Variants in CHRNB1 observed in about 807,000 individuals in gnomAD.
The protein encoded by CHRNB1 is acetylcholine receptor subunit beta.
A neutral mutation model predicts 53.8 loss-of-function variants in CHRNB1; 47 were observed. The observed-to-expected ratio is 0.87, with a 90% CI of 0.69 to 1.11. The LOEUF (loss-of-function observed/expected upper bound fraction) is 1.11. CHRNB1 is among the 50% of genes most tolerant of loss of function. CHRNB1 has a pLI of 0.00. For synonymous variants in CHRNB1, 259 were observed against 263.5 expected (o/e 0.98, Z 0.16); for missense variants, 605 against 654.9 (o/e 0.92, Z 0.83).
chr17:7,445,349 G>C lies in CHRNB1; in HGVS notation c.138G>C (p.Arg46=). 6.2e-7 allele frequency: 1 copy of C among 1,613,056 alleles called. No individual in the cohort carries two copies. Among genetic ancestry groups the C allele is most frequent in the South Asian group, 1.1e-5 (1 of 91,030 alleles). Reference sequence around the variant, plus strand: ...ATGATAGCTCCGTGCGGCCAGCGCGGGAGGTGGGAGACCGTGTCAGGGTCA... The same window carrying C: ...ATGATAGCTCCGTGCGGCCAGCGCGCGAGGTGGGAGACCGTGTCAGGGTCA... ...SGYDSSVRPA[R]EVGDRVRVSV... The change falls in exon 2 of 11, where the codon CGG becomes CGC. Residue 46 remains arginine, a synonymous_variant. Coordinates refer to ENST00000306071, the MANE Select transcript of CHRNB1 (RefSeq NM_000747.3). This position sits in a 1 kb window ranked among gnomAD's most constrained non-coding sequence, Gnocchi z 5.7.
At position 7,445,807 on chromosome 17, in the gene CHRNB1, G is replaced by A; in HGVS notation, c.199-262G>A. On this transcript the variant is annotated intron_variant, in intron 2 of 10. Transcript: ENST00000306071. This position sits in a 1 kb window ranked among gnomAD's most constrained non-coding sequence, Gnocchi z 5.7. ...TGGGTGGATTATGAGCTGAAGGCAGGGCCGGGGACAGAGCTAGGCGGAGGG... is the reference window on the plus strand; with the variant it reads ...TGGGTGGATTATGAGCTGAAGGCAGAGCCGGGGACAGAGCTAGGCGGAGGG... The A allele has an allele frequency of 1.6e-6, 1 of 622,790 alleles. No homozygotes were observed. The highest frequency in any genetic ancestry group is 2.8e-6 in the Non-Finnish European group (1 of 358,350). 38.6% of individuals were successfully genotyped at this position (622,790 alleles called of 1,614,324 possible).
chr17:7,447,797 G>A, intron 6 of CHRNB1, 147 bp downstream of exon 6: 1 of 1,027,194 alleles, frequency 9.7e-7, no homozygotes, highest in Non-Finnish European at 1.5e-6. Flanking sequence ...TATGGAAATT[G>A]CCGGGGGCAG....
chr17:7,453,420 A>G (rs910014858), intron 7 of CHRNB1, among the ~76,000 whole-genome samples: 3 of 152,058 alleles, frequency 2.0e-5, no homozygotes, highest in African/African-American at 7.2e-5. Flanking sequence ...TACCCGGCTC[A>G]GTTTTGGACA....
chr17:7,451,161 TTGGCCTTCTGGTCTGAGTTGCTA>T (rs2150840666), intron 7 of CHRNB1, among the ~76,000 whole-genome samples: 1 of 152,194 alleles, frequency 6.6e-6, no homozygotes, highest in South Asian at 2.1e-4. Context: ...AGTAACACCC[TTGGCCTTCTGGTCTGAGTTGCTA>T]TGGCCTTGGG....
intron 5 of CHRNB1, 46 bp downstream of exon 5, chr17:7,447,197 T>G (rs1442577514): frequency 9.9e-6 from 15 of 1,513,570 alleles, no homozygotes; most frequent in Non-Finnish European, 1.4e-5. Flanking sequence ...TTACAAATCC[T>G]CCCTTTCCTT....
chr17:7,454,256 A>C (rs773696133), intron 7 of CHRNB1, 41 bp from the exon 8 acceptor site: 1 of 1,511,604 alleles, frequency 6.6e-7, no homozygotes, highest in Admixed American at 1.7e-5. Context: ...GCTTTCCTTC[A>C]GGCAAGTCTA....
chr17:7,447,425 C>A, intron 5 of CHRNB1, 78 bp from the exon 6 acceptor site: 8 of 1,537,844 alleles, frequency 5.2e-6, no homozygotes, highest in Non-Finnish European at 7.2e-6. Context: ...CTTCTCTGTG[C>A]CCTCCCCAAA....
rs948817419 is a variant in CHRNB1, at chr17:7,445,534, C to A, written c.198+125C>A. The A allele has an allele frequency of 1.2e-5, 19 of 1,524,476 alleles. No individual in the cohort carries two copies. In the Admixed American group the frequency reaches 3.0e-4, roughly 24 times the overall value. The allele number at this position is 1,524,476 out of a possible 1,614,324, so 94.4% of individuals were successfully genotyped here. ...ACGAGACCAGGCTGAGATGGACCAG[C>A]CTTTGGTGAAGATTGGATCGAAATC... On this transcript the variant is annotated intron_variant, in intron 2 of 10. Transcript: ENST00000306071. This position sits in a 1 kb window ranked among gnomAD's most constrained non-coding sequence, Gnocchi z 5.7.
Position 7,448,639 on chromosome 17 carries a change from C to A in CHRNB1, c.671C>A (p.Pro224His). Residue 224 changes from proline to histidine, a missense_variant, in exon 7 of 11, where the codon CCT becomes CAT. Coordinates refer to ENST00000306071, the MANE Select transcript of CHRNB1 (RefSeq NM_000747.3). ...PSRLIQPPGD[P>H]RGGREGQRQE... Reference sequence around the variant, plus strand: ...CGGCTAATCCAGCCTCCAGGCGATCCTAGGGGAGGGAGGGAAGGACAGCGC... The same window carrying A: ...CGGCTAATCCAGCCTCCAGGCGATCATAGGGGAGGGAGGGAAGGACAGCGC... 7 of 1,614,026 alleles carry A rather than the reference C, an allele frequency of 4.3e-6. No individual in the cohort carries two copies. Among genetic ancestry groups the A allele is most frequent in the Non-Finnish European group, 5.9e-6 (7 of 1,179,962 alleles).
At chr17:7,448,442 G>A (rs1908747313) in intron 6 of CHRNB1, 137 bp from the exon 7 acceptor site, 4 of 737,918 alleles carry the variant, frequency 5.4e-6, no homozygotes, top group Non-Finnish European at 9.7e-6. Context: ...ATTAGAGATG[G>A]GCTACTCAGC....
At chr17:7,448,904 A>T in intron 7 of CHRNB1, 116 bp downstream of exon 7, 1 of 1,104,390 alleles carries the variant, frequency 9.1e-7, no homozygotes, top group Non-Finnish European at 1.3e-6. Flanking sequence ...GGGCTTCAGC[A>T]ATCCCGCCCA....
In CHRNB1 at chr17:7,445,069, C is replaced by T. The variant is rs1908535378; in HGVS notation, c.-59C>T. 2.5e-6 allele frequency: 4 copies of T among 1,571,762 alleles called. No individual in the cohort carries two copies. The highest frequency in any genetic ancestry group is 3.4e-6 in the Non-Finnish European group (4 of 1,161,412). On this transcript the variant is annotated 5_prime_UTR_variant, in exon 1 of 11. Transcript: ENST00000306071. This position sits in a 1 kb window ranked among gnomAD's most constrained non-coding sequence, Gnocchi z 5.7. ...ACATTCCCGGGCTCCTCGTCACTTC[C>T]CCTGTGCTGGCGGTCCCAGCGGCTC...
intron 7 of CHRNB1, among the ~76,000 whole-genome samples, chr17:7,451,268 T>C (rs1908873828): frequency 7.3e-6 from 1 of 137,740 alleles, no homozygotes; most frequent in African/African-American, 2.8e-5. Flanking sequence ...TCTTTTCTTT[T>C]CTTTTCTTTT....
In CHRNB1 at chr17:7,445,718, C is replaced by T. The variant is rs1276659830; in HGVS notation, c.198+309C>T. 7.3e-6 allele frequency: 7 copies of T among 956,486 alleles called. No homozygotes were observed. The allele number at this position is 956,486 out of a possible 1,614,324, so 59.2% of individuals were successfully genotyped here. On this transcript the variant is annotated intron_variant, in intron 2 of 10. Coordinates refer to ENST00000306071, the MANE Select transcript of CHRNB1 (RefSeq NM_000747.3). This position sits in a 1 kb window ranked among gnomAD's most constrained non-coding sequence, Gnocchi z 5.7. ...CGTAGGGCCACATGAGTCCTGAGTGCCCAGGGTGGGGCGGAGCTTGGTGCT... is the reference window on the plus strand; with the variant it reads ...CGTAGGGCCACATGAGTCCTGAGTGTCCAGGGTGGGGCGGAGCTTGGTGCT...
chr17:7,447,334 G>C (rs1201407491), intron 5 of CHRNB1, 169 bp from the exon 6 acceptor site: 3 of 929,392 alleles, frequency 3.2e-6, no homozygotes, highest in Non-Finnish European at 5.1e-6. Context: ...TTGACTTCTA[G>C]TCTTACTCAG....
rs766657460 is a variant in CHRNB1, at chr17:7,447,521, G to T, written c.481G>T (p.Asp161Tyr). 1.2e-6 allele frequency: 2 copies of T among 1,614,062 alleles called. No individual in the cohort carries two copies. Among genetic ancestry groups the T allele is most frequent in the African/African-American group, 2.7e-5 (2 of 74,994 alleles). The change falls in exon 6 of 11, where the codon GAC (aspartate) becomes TAC (tyrosine). Residue 161 changes from aspartate to tyrosine, a missense_variant. Transcript: ENST00000306071. ...CATCCAGGTCACCTACTTCCCCTTC[G>T]ACTGGCAGAATTGCACTATGGTGTT... ...CSIQVTYFPFDWQNCTMVFSS... is the reference protein window; with the variant it reads ...CSIQVTYFPFYWQNCTMVFSS...
At chr17:7,455,582 C>A (rs2069941283) in intron 9 of CHRNB1, 126 bp downstream of exon 9, 10 of 1,288,408 alleles carry the variant, frequency 7.8e-6, no homozygotes, top group African/African-American at 1.5e-5. Context: ...AGTTGTAGTA[C>A]TCCTGCTGCT....
rs886053405 is a variant in CHRNB1 at position 7,456,794 on chromosome 17, C to T, written c.*71C>T. ...GTTTGGTGATACTGTCAAGCCCTAT[C>T]CTTCTCTGCCTCTTAACTCCTTCAC... On this transcript the variant is annotated 3_prime_UTR_variant, in exon 11 of 11. Transcript: ENST00000306071. 6.3e-7 allele frequency: 1 copy of T among 1,587,398 alleles called. No individual in the cohort carries two copies. Among genetic ancestry groups the T allele is most frequent in the Non-Finnish European group, 8.6e-7 (1 of 1,157,572 alleles).
Position 7,455,308 on chromosome 17 carries a change from T to C in CHRNB1, c.1069T>C (p.Tyr357His), listed in dbSNP as rs373665920. ...RQIFIHKLPLYLRLKRPKPER... is the reference protein window; with the variant it reads ...RQIFIHKLPLHLRLKRPKPER... ...GATCTTCATTCACAAACTTCCGCTG[T>C]ACCTGCGTCTAAAAAGGCCCAAACC... Residue 357 changes from tyrosine (Y) to histidine (H), a missense_variant, in exon 9 of 11, where the codon TAC becomes CAC. By Grantham distance (83) the Tyr-to-His change is moderately conservative (BLOSUM62 2). Transcript: ENST00000306071. 1.2e-6 allele frequency: 2 copies of C among 1,614,132 alleles called. No individual in the cohort carries two copies. The highest frequency in any genetic ancestry group is 2.2e-5 in the South Asian group (2 of 91,084).
Sources: allele counts gnomAD v4.1 joint callset (sites outside exome capture counted in the v4.1 genomes callset), GRCh38; gene constraint gnomAD v4.1.1; non-coding constraint Gnocchi (gnomAD v3.1); transcripts MANE v1.5; gene names NCBI Gene and HGNC (gene_info 2026-07-23, HGNC 2026-07-21).